The following ERC2 variants were observed in gnomAD, a reference collection of about 807,000 sequenced individuals.
ERC2 encodes the protein ELKS/RAB6-interacting/CAST family member 2, also known as ERC protein 2.
A neutral mutation model predicts 114.8 loss-of-function variants in ERC2; 42 were observed. The observed-to-expected ratio is 0.37, with a 90% CI of 0.29 to 0.47. The LOEUF is 0.47. Ranked by LOEUF, ERC2 falls within the 20% of genes least tolerant of loss-of-function variation. ERC2 has a pLI of 0.99. For synonymous variants in ERC2, 454 were observed against 425.5 expected (o/e 1.07, Z -0.82); for missense variants, 939 against 1,150.7 (o/e 0.82, Z 2.66).
At chr3:56,256,603 A>C (rs2052532230) in intron 3 of ERC2, among the ~76,000 whole-genome samples, 1 of 151,766 alleles carries the variant, frequency 6.6e-6, no homozygotes, top group Non-Finnish European at 1.5e-5. Context: ...CTGGACCATG[A>C]TACGGTTTAG....
chr3:55,903,266 A>T (rs1045791381), intron 13 of ERC2, among the ~76,000 whole-genome samples: 1 of 152,244 alleles, frequency 6.6e-6, no homozygotes, highest in African/African-American at 2.4e-5. Context: ...GATTAAAAAA[A>T]ATTCACCATT....
chr3:56,340,542 ATGTGTG>A (rs10690369), intron 2 of ERC2, among the ~76,000 whole-genome samples: 432 of 141,524 alleles, frequency 3.1e-3, no homozygotes, highest in Middle Eastern at 0.011. Context: ...GAGAGAGTGA[ATGTGTG>A]TGTGTGTGTG....
intron 17 of ERC2, among the ~76,000 whole-genome samples, chr3:55,648,667 C>T (rs1313295800): frequency 2.0e-5 from 3 of 152,118 alleles, no homozygotes; most frequent in Non-Finnish European, 4.4e-5. Context: ...GCAAAGAAAG[C>T]CCCATGGAGA....
chr3:56,327,113 T>C (rs1469629765), intron 2 of ERC2, among the ~76,000 whole-genome samples: 1 of 152,158 alleles, frequency 6.6e-6, no homozygotes, highest in East Asian at 1.9e-4. Context: ...TGAAGACCAA[T>C]GTGTATTAGT....
chr3:56,233,540 A>G (rs1417305680), intron 3 of ERC2, among the ~76,000 whole-genome samples: 1 of 151,670 alleles, frequency 6.6e-6, no homozygotes, highest in African/African-American at 2.4e-5. Context: ...GCTACTCCAG[A>G]GGCTGATGCA....
At chr3:55,521,520 G>GT (rs1575458667) in intron 17 of ERC2, among the ~76,000 whole-genome samples, 1 of 152,340 alleles carries the variant, frequency 6.6e-6, no homozygotes, top group East Asian at 1.9e-4. Flanking sequence ...ACTTTTCCAG[G>GT]TGAGTAGCTC....
At chr3:55,922,733 C>T (rs1196873377) in intron 13 of ERC2, among the ~76,000 whole-genome samples, 2 of 152,066 alleles carry the variant, frequency 1.3e-5, no homozygotes, top group Non-Finnish European at 1.5e-5. Flanking sequence ...TTAAAGAAAC[C>T]AGCAGTAAGA....
chr3:56,333,118 T>C (rs2057701046), intron 2 of ERC2, among the ~76,000 whole-genome samples: 1 of 152,248 alleles, frequency 6.6e-6, no homozygotes, highest in Non-Finnish European at 1.5e-5. Flanking sequence ...AACTGGACAC[T>C]ACGGCTAACT....
chr3:56,178,015 G>C (rs2083074576), intron 3 of ERC2, among the ~76,000 whole-genome samples: 1 of 152,126 alleles, frequency 6.6e-6, no homozygotes. Flanking sequence ...GACAAGGTTG[G>C]CTTTAGCTAG....
chr3:55,960,133 T>C (rs2068254985), intron 12 of ERC2, among the ~76,000 whole-genome samples: 1 of 152,222 alleles, frequency 6.6e-6, no homozygotes, highest in African/African-American at 2.4e-5. Context: ...GCTTCTCTTT[T>C]CATCCATTCT....
intron 4 of ERC2, among the ~76,000 whole-genome samples, chr3:56,162,292 G>C (rs1170319829): frequency 6.6e-6 from 1 of 152,094 alleles, no homozygotes; most frequent in African/African-American, 2.4e-5. Context: ...ATAGTATTTT[G>C]TTGAGGATTT....
intron 14 of ERC2, among the ~76,000 whole-genome samples, chr3:55,833,828 AGTCAAGACCCATCT>A (rs1452887753): frequency 1.4e-4 from 22 of 152,364 alleles, no homozygotes; most frequent in African/African-American, 5.3e-4. Flanking sequence ...CTGGATAAAG[AGTCAAGACCCATCT>A]GTCTGCTGTA....
At chr3:56,389,427 G>A (rs568610762) in intron 2 of ERC2, among the ~76,000 whole-genome samples, 2 of 152,224 alleles carry the variant, frequency 1.3e-5, no homozygotes, top group East Asian at 1.9e-4. Flanking sequence ...AGTTACATGC[G>A]AAATACTGTT....
chr3:56,243,945 G>A (rs2051498775), intron 3 of ERC2, among the ~76,000 whole-genome samples: 1 of 152,200 alleles, frequency 6.6e-6, no homozygotes, highest in Admixed American at 6.5e-5. Context: ...GGAACATGGT[G>A]GAAGACAAGG....
chr3:56,363,744 G>T (rs2150566138), intron 2 of ERC2, among the ~76,000 whole-genome samples: 1 of 148,366 alleles, frequency 6.7e-6, no homozygotes, highest in South Asian at 2.2e-4. Flanking sequence ...GTGCTAGAGT[G>T]CTCTTTCCAA....
intron 2 of ERC2, among the ~76,000 whole-genome samples, chr3:56,401,809 G>A (rs1193983993): frequency 6.6e-6 from 1 of 152,148 alleles, no homozygotes; most frequent in African/African-American, 2.4e-5. Flanking sequence ...AGCAGCAGAA[G>A]CAGGGCCACC....
At chr3:55,751,721 G>A (rs2066716022) in intron 14 of ERC2, among the ~76,000 whole-genome samples, 1 of 152,194 alleles carries the variant, frequency 6.6e-6, no homozygotes, top group African/African-American at 2.4e-5. Flanking sequence ...CTCTGGCTAA[G>A]TCAGAGCTGT....
intron 3 of ERC2, among the ~76,000 whole-genome samples, chr3:56,199,975 G>A (rs1349635850): frequency 1.3e-5 from 2 of 152,108 alleles, no homozygotes; most frequent in African/African-American, 4.8e-5. Flanking sequence ...AATATAATTG[G>A]AGGTATAGTC....
chr3:56,307,969 A>G (rs575609836), intron 2 of ERC2, among the ~76,000 whole-genome samples: 4 of 152,252 alleles, frequency 2.6e-5, no homozygotes, highest in South Asian at 2.1e-4. Flanking sequence ...CAAGGGAACA[A>G]TTTCAGAGAG....
Sources: allele counts gnomAD v4.1 joint callset (sites outside exome capture counted in the v4.1 genomes callset), GRCh38; gene constraint gnomAD v4.1.1; transcripts MANE v1.5; gene names NCBI Gene and HGNC (gene_info 2026-07-23, HGNC 2026-07-21).